The following NME6 variants were observed in gnomAD, a reference collection of about 807,000 sequenced individuals.
NME6 encodes NME/NM23 nucleoside diphosphate kinase 6, also known as nucleoside diphosphate kinase 6, mitochondrial.
In NME6, 16 loss-of-function variants were observed where a neutral mutation model predicts 22.2. The observed-to-expected ratio is 0.72, with a 90% CI of 0.49 to 1.09. The LOEUF is 1.09. Among genes scored for constraint, NME6 ranks in the 50% least tolerant of loss-of-function variants. The pLI is 0.00. For missense variants in NME6, 229 were observed against 239.0 expected (o/e 0.96, Z 0.28); for synonymous variants, 58 against 85.2 (o/e 0.68, Z 1.76).
downstream of NME6, chr3:48,292,088 A>T (rs1194678005): frequency 6.6e-6 from 1 of 152,216 alleles, no homozygotes; most frequent in Non-Finnish European, 1.5e-5. Context: ...TATCTCCCAA[A>T]TGTCCCATTT....
intron 4 of NME6, chr3:48,295,716 CTGT>C (rs1040965435): frequency 4.5e-5 from 10 of 222,894 alleles, no homozygotes; most frequent in South Asian, 2.1e-4. Context: ...TAATTTTTTG[CTGT>C]TGTTGTTGTT....
downstream of NME6, among the ~76,000 whole-genome samples, chr3:48,288,981 T>C (rs1229162464): frequency 6.6e-6 from 1 of 151,658 alleles, no homozygotes; most frequent in African/African-American, 2.4e-5. Flanking sequence ...CACTGAAGAG[T>C]GCTGTGGGGG....
intron 5 of NME6, 103 bp downstream of exon 5, chr3:48,294,972 C>G: frequency 1.4e-6 from 2 of 1,477,414 alleles, no homozygotes; most frequent in South Asian, 2.5e-5. Flanking sequence ...AGACCAGAAA[C>G]ACAAATGGAA....
At chr3:48,299,877 G>C (rs1474688703) in intron 1 of NME6, among the ~76,000 whole-genome samples, 1 of 152,128 alleles carries the variant, frequency 6.6e-6, no homozygotes, top group African/African-American at 2.4e-5. Flanking sequence ...TAATGCCACA[G>C]GTGGTAACAC....
Position 48,301,353 on chromosome 3 carries a change from C to G in NME6, c.-8G>C, listed in dbSNP as rs2035691880. On this transcript the variant is annotated splice_region_variant and 5_prime_UTR_variant, in exon 1 of 6. Coordinates refer to ENST00000442597, the MANE Select transcript of NME6 (RefSeq NM_001308426.2). ...AGCAGAAGTCCGGCTGCGGGTTCAC[C>G]TTGTCCTCCGGCACAGGGCCCGGCC... 6.4e-7 allele frequency: 1 copy of G among 1,565,352 alleles called. No individual in the cohort carries two copies. The highest frequency in any genetic ancestry group is 1.4e-5 in the African/African-American group (1 of 73,830).
chr3:48,294,817 T>C lies in NME6; in HGVS notation c.395-14A>G. 1.2e-6 allele frequency: 2 copies of C among 1,611,252 alleles called. No homozygotes were observed. The highest frequency in any genetic ancestry group is 1.7e-5 in the Admixed American group (1 of 59,952). ...AAACCACAGAGTCTGTAAGGGGAGA[T>C]AAGACAGAGAAGGGGTTCTCACATG... is the stretch of plus-strand genomic sequence containing the variant. On this transcript the variant is annotated splice_polypyrimidine_tract_variant and intron_variant, in intron 5 of 5. Transcript: ENST00000442597.
chr3:48,291,390 CTTATTTTT>C, downstream of NME6: 1 of 415,516 alleles, frequency 2.4e-6, no homozygotes, highest in South Asian at 1.8e-5. Context: ...ATGTCATACT[CTTATTTTT>C]TTAAGACAGG....
At chr3:48,296,626 G>A (rs543338788) in intron 3 of NME6, 101 bp downstream of exon 3, 90 of 782,746 alleles carry the variant, frequency 1.1e-4, no homozygotes, top group Admixed American at 1.9e-4. Context: ...AACTGTACAC[G>A]GTTGGTAGGT....
At chr3:48,295,733 G>T (rs1051594578) in intron 4 of NME6, 6 of 238,106 alleles carry the variant, frequency 2.5e-5, no homozygotes, top group Non-Finnish European at 4.9e-5. Flanking sequence ...TGTTGTTTTT[G>T]AGACGAAGTT....
rs182801497 is a variant in NME6 at position 48,298,951 on chromosome 3, A to G, written c.-7-428T>C. On this transcript the variant is annotated intron_variant, in intron 1 of 5. Coordinates refer to ENST00000442597, the MANE Select transcript of NME6 (RefSeq NM_001308426.2). ...TTCATCTCTTAAAATCTTCCATCCC[A>G]TAGTGCTCTCCTATCAAATCTAGAA... is the stretch of plus-strand genomic sequence containing the variant. The G allele has an allele frequency of 5.1e-3, 3,575 of 703,030 alleles. 31 individuals are homozygous for G. Among genetic ancestry groups the G allele is most frequent in the Non-Finnish European group, 7.2e-3 (2,765 of 384,968 alleles). The allele number at this position is 703,030 out of a possible 1,614,324, so 43.5% of individuals were successfully genotyped here.
intron 3 of NME6, 26 bp from the exon 4 acceptor site, chr3:48,296,184 A>G (rs2035079052): frequency 6.2e-7 from 1 of 1,614,154 alleles, no homozygotes. Flanking sequence ...ACCTTCATCA[A>G]GATACCTTCA....
rs2034836265 is a variant in NME6, at chr3:48,294,442, A to G, written c.*195T>C. ...GGAGTCATCATTCTTCTGAACCACC[A>G]TAAACATTCCAGAGAAGAGGTAGAT... On this transcript the variant is annotated 3_prime_UTR_variant, in exon 6 of 6. Transcript: ENST00000442597. 1.8e-6 allele frequency: 1 copy of G among 566,294 alleles called. No individual in the cohort carries two copies. The highest frequency in any genetic ancestry group is 3.2e-6 in the Non-Finnish European group (1 of 316,610). The allele number at this position is 566,294 out of a possible 1,614,324, so 35.1% of individuals were successfully genotyped here.
rs755874243 is a variant in NME6, at chr3:48,298,403, TAGAG to T, written c.90+20_90+23del. On this transcript the variant is annotated intron_variant, in intron 2 of 5. Transcript: ENST00000442597. Reference sequence around the variant, plus strand: ...CAGTAGCAATTCCCAGGGCATGCGGTAGAGACTTAGGATTCATTCTTACCTCCAG... The same window carrying T: ...CAGTAGCAATTCCCAGGGCATGCGGTACTTAGGATTCATTCTTACCTCCAG... The T allele has an allele frequency of 3.2e-5, 52 of 1,601,924 alleles. No individual in the cohort carries two copies. The African/African-American group carries it at 4.8e-4, about 15-fold the overall frequency.
At chr3:48,295,452 A>C in intron 4 of NME6, 1 of 529,174 alleles carries the variant, frequency 1.9e-6, no homozygotes, top group Non-Finnish European at 3.3e-6. Flanking sequence ...ATTCAAGGGG[A>C]CTCTTCTAAC....
At chr3:48,296,878 T>A in intron 2 of NME6, 49 bp from the exon 3 acceptor site, 1 of 1,425,470 alleles carries the variant, frequency 7.0e-7, no homozygotes, top group Non-Finnish European at 9.8e-7. Flanking sequence ...AGACTGAAAC[T>A]GACCAAAAGA....
At chr3:48,296,302 G>C (rs540682450) in intron 3 of NME6, 144 bp from the exon 4 acceptor site, 4 of 1,150,822 alleles carry the variant, frequency 3.5e-6, no homozygotes, top group Middle Eastern at 1.9e-4. Context: ...ACCTGGGTCT[G>C]AATCCAGGGT....
intron 2 of NME6, among the ~76,000 whole-genome samples, chr3:48,297,046 A>G (rs1313792668): frequency 6.6e-6 from 1 of 152,102 alleles, no homozygotes; most frequent in Admixed American, 6.6e-5. Flanking sequence ...TTCCATACCT[A>G]TAACCCCTTG....
chr3:48,299,962 C>G (rs2035521094), intron 1 of NME6, among the ~76,000 whole-genome samples: 1 of 152,170 alleles, frequency 6.6e-6, no homozygotes, highest in Non-Finnish European at 1.5e-5. Context: ...ACACGATCAC[C>G]AACTTCTGGC....
chr3:48,300,181 C>T (rs1415495008), intron 1 of NME6: 6 of 455,178 alleles, frequency 1.3e-5, no homozygotes, highest in Admixed American at 4.7e-5. Flanking sequence ...GGTTCCCCTC[C>T]TTAACCCTTT....
Sources: allele counts gnomAD v4.1 joint callset (sites outside exome capture counted in the v4.1 genomes callset), GRCh38; gene constraint gnomAD v4.1.1; transcripts MANE v1.5; gene names NCBI Gene and HGNC (gene_info 2026-07-23, HGNC 2026-07-21).